Variants in CT45A1 observed in about 807,000 individuals in gnomAD.
CT45A1 encodes cancer/testis antigen family 45 member A1.
At chrX:135,715,254 T>G (rs1603082532) in intron 1 of CT45A1, among the ~76,000 whole-genome samples, 1 of 87,616 alleles carries the variant, frequency 1.1e-5, no homozygotes, top group Non-Finnish European at 2.1e-5. Flanking sequence ...AATACTTATA[T>G]ATATATAATA....
chrX:135,708,452 A>T, the CT45A1 span, among the ~76,000 whole-genome samples: 1 of 110,070 alleles, frequency 9.1e-6, no homozygotes, highest in Non-Finnish European at 1.9e-5. Context: ...CGCCCCAGAA[A>T]GTGTCTTTCT....
upstream of CT45A1, among the ~76,000 whole-genome samples, chrX:135,712,629 G>A (rs1216087316): frequency 1.8e-5 from 2 of 110,625 alleles, no homozygotes; most frequent in Non-Finnish European, 1.9e-5. Context: ...CCCAGTTCAA[G>A]TGATTCTCCT....
At chrX:135,709,763 A>C (rs2087925276), upstream of CT45A1, among the ~76,000 whole-genome samples, 1 of 111,278 alleles carries the variant, frequency 9.0e-6, no homozygotes, top group African/African-American at 3.3e-5. Context: ...AAAACTACCT[A>C]TTGGATGCTC....
chrX:135,711,209 TTC>T (rs1366473189), upstream of CT45A1, among the ~76,000 whole-genome samples: 1 of 111,651 alleles, frequency 9.0e-6, no homozygotes, highest in Non-Finnish European at 1.9e-5. Flanking sequence ...AAATGAGTAT[TTC>T]ATTTTGATAA....
intron 1 of CT45A1, among the ~76,000 whole-genome samples, chrX:135,716,814 A>C (rs1482341752): frequency 9.9e-6 from 1 of 100,840 alleles, no homozygotes; most frequent in Non-Finnish European, 2.1e-5. Flanking sequence ...GTGGAGTGGG[A>C]AGAAGTAAGA....
chrX:135,712,935 T>TTTTTTC (rs1264220881), upstream of CT45A1, among the ~76,000 whole-genome samples: 82 of 88,771 alleles, frequency 9.2e-4, no homozygotes, highest in African/African-American at 3.0e-3. Flanking sequence ...TTTCTTTTCT[T>TTTTTTC]TTTTTCTTTC....
chrX:135,718,526 T>A (rs1380553772), intron 1 of CT45A1, among the ~76,000 whole-genome samples: 1 of 110,309 alleles, frequency 9.1e-6, no homozygotes, highest in Non-Finnish European at 1.9e-5. Flanking sequence ...ATATTTTGCA[T>A]AATATAATGT....
chrX:135,715,012 T>C (rs1396925167), intron 1 of CT45A1, among the ~76,000 whole-genome samples: 2 of 107,243 alleles, frequency 1.9e-5, no homozygotes, highest in Non-Finnish European at 3.8e-5. Context: ...CACGCAGGCA[T>C]ATATGTACAT....
At chrX:135,715,261 A>C (rs2087970408) in intron 1 of CT45A1, among the ~76,000 whole-genome samples, 1 of 86,689 alleles carries the variant, frequency 1.2e-5, no homozygotes, top group South Asian at 5.2e-4. Flanking sequence ...ATATATATAT[A>C]ATACTTATAT....
At chrX:135,710,260 T>C (rs1429990338), upstream of CT45A1, 6 of 112,009 alleles carry the variant, frequency 5.4e-5, no homozygotes, top group African/African-American at 1.6e-4. Context: ...TTGGGCATTC[T>C]GGTGGATGGC....
At chrX:135,710,392 A>C (rs782213426), upstream of CT45A1, 5 of 112,509 alleles carry the variant, frequency 4.4e-5, no homozygotes, top group Admixed American at 9.4e-5. Context: ...CTCAAAAGCA[A>C]TGCAAGTGGG....
intron 1 of CT45A1, among the ~76,000 whole-genome samples, chrX:135,716,328 A>G (rs2087988655): frequency 9.0e-6 from 1 of 111,537 alleles, no homozygotes; most frequent in Non-Finnish European, 1.9e-5. Context: ...TAGATCTCCC[A>G]ATCATCAGAA....
upstream of CT45A1, chrX:135,709,969 CTA>C (rs1353827526): frequency 3.6e-5 from 4 of 112,205 alleles, no homozygotes; most frequent in African/African-American, 1.3e-4. Flanking sequence ...TTACAAGTTT[CTA>C]TGTTAGTTTT....
rs1249557355 is a variant in CT45A1, at chrX:135,715,406, TTATATATAATACTTA to T, written c.-7+1738_-7+1752del. ...TATATAATACTTATATATATAATAC[TTATATATAATACTTA>T]TATATATAATACTTATATATAATAC... On this transcript the variant is annotated intron_variant, in intron 1 of 4. Transcript: ENST00000594565. Among the ~76,000 whole-genome samples the T allele has an allele frequency of 3.8e-4, 30 of 78,183 alleles. 1 individual carries two copies. Among genetic ancestry groups the T allele is most frequent in the African/African-American group, 1.5e-3 (28 of 19,144 alleles). The allele number at this position is 78,183 out of a possible 115,157, so 67.9% of individuals were successfully genotyped here. A position where few individuals can be genotyped will look rare whatever the true frequency, so the allele number is the denominator to read the frequency against.
At chrX:135,719,313 T>C (rs1474061055) in intron 2 of CT45A1, among the ~76,000 whole-genome samples, 2 of 74,829 alleles carry the variant, frequency 2.7e-5, no homozygotes, top group Admixed American at 1.6e-4. Context: ...CTTGTCCGTA[T>C]TGGTGAATCC....
chrX:135,711,918 T>C (rs868966321), upstream of CT45A1, among the ~76,000 whole-genome samples: 20 of 109,895 alleles, frequency 1.8e-4, no homozygotes, highest in Non-Finnish European at 2.3e-4. Context: ...CTGTCTCTAC[T>C]AAAAATACAA....
intron 1 of CT45A1, among the ~76,000 whole-genome samples, chrX:135,716,388 T>C (rs1340192731): frequency 8.9e-6 from 1 of 111,824 alleles, no homozygotes; most frequent in Non-Finnish European, 1.9e-5. Context: ...ATATTTGATG[T>C]GATTATTAGC....
chrX:135,714,590 T>G (rs1556570672), intron 1 of CT45A1, among the ~76,000 whole-genome samples: 1 of 110,778 alleles, frequency 9.0e-6, no homozygotes, highest in African/African-American at 3.3e-5. Flanking sequence ...CCAGAAATAT[T>G]CGAAGGTTCC....
chrX:135,709,120 T>C (rs868991431), upstream of CT45A1, among the ~76,000 whole-genome samples: 1 of 112,385 alleles, frequency 8.9e-6, no homozygotes, highest in Non-Finnish European at 1.9e-5. Context: ...TCACGGTTGC[T>C]GACGCAACAA....
Sources: gnomAD v4.1 joint callset for allele counts (sites outside exome capture counted in the v4.1 genomes callset) on GRCh38, gnomAD v4.1.1 for gene constraint, MANE v1.5 for transcripts, NCBI Gene and HGNC (gene_info 2026-07-23, HGNC 2026-07-21) for gene names.